CNGA3: variants seen among roughly 807,000 people sequenced by gnomAD.
CNGA3 encodes the protein cyclic nucleotide-gated channel alpha-3.
A neutral mutation model predicts 46.6 loss-of-function variants in CNGA3; 42 were observed. That is an observed-to-expected ratio of 0.90 (90% CI 0.70 to 1.17). The LOEUF (loss-of-function observed/expected upper bound fraction) is 1.17, where lower values mean the gene tolerates loss of function less well. Among genes scored for constraint, CNGA3 ranks in the 50% most tolerant of loss-of-function variants. The pLI, the probability that CNGA3 is intolerant of heterozygous loss-of-function variation, is 0.00. For synonymous variants in CNGA3, 394 were observed against 369.4 expected, an observed-to-expected ratio of 1.07 and a Z score of -0.76; for missense variants, 893 against 890.7, an observed-to-expected ratio of 1.00 and a Z score of -0.03.
At position 98,396,404 on chromosome 2, in the gene CNGA3, G is replaced by C; in HGVS notation, c.1234G>C (p.Glu412Gln). 1 of 1,613,968 alleles carries C rather than the reference G, an allele frequency of 6.2e-7. No homozygotes were observed. Among genetic ancestry groups the C allele is most frequent in the Non-Finnish European group, 8.5e-7 (1 of 1,180,020 alleles). Residue 412 changes from glutamate (E) to glutamine (Q), a missense_variant, in exon 8 of 8, where the codon GAG (glutamate) becomes CAG (glutamine). Glu to Gln is a conservative substitution (Grantham distance 29). Around this residue, in one of 3 missense-constraint regions of CNGA3, gnomAD observed 548 missense variants for 570.8 expected, o/e 0.96. Coordinates refer to ENST00000272602, the MANE Select transcript of CNGA3 (RefSeq NM_001298.3). ...MISNMNASRA[E>Q]FQAKIDSIKQ... The stretch of plus-strand genomic sequence containing the variant: ...CTCGAATATGAATGCCTCACGGGCA[G>C]AGTTCCAGGCCAAGATTGATTCCAT...
At chr2:98,378,358 C>T in intron 3 of CNGA3, 1 of 944,536 alleles carries the variant, frequency 1.1e-6, no homozygotes, top group Middle Eastern at 3.4e-4. Flanking sequence ...CAAATCTCAT[C>T]TAGAAATGCA....
At position 98,397,363 on chromosome 2, in the gene CNGA3, C is replaced by A; in HGVS notation, c.*108C>A. 8.7e-7 allele frequency: 1 copy of A among 1,154,096 alleles called. No individual in the cohort carries two copies. Among genetic ancestry groups the A allele is most frequent in the Non-Finnish European group, 1.3e-6 (1 of 785,652 alleles). 71.5% of individuals were successfully genotyped at this position (1,154,096 alleles called of 1,614,324 possible). On this transcript the variant is annotated 3_prime_UTR_variant, in exon 8 of 8. Coordinates refer to ENST00000272602, the MANE Select transcript of CNGA3 (RefSeq NM_001298.3). Reference sequence around the variant, plus strand: ...GTCAGGGTTGAATTCCAGCTCTACTCACCCTTTGAAAGCTGTGTGACTGCC... The same window carrying A: ...GTCAGGGTTGAATTCCAGCTCTACTAACCCTTTGAAAGCTGTGTGACTGCC...
intron 4 of CNGA3, among the ~76,000 whole-genome samples, chr2:98,382,335 T>A (rs1201462640): frequency 1.3e-5 from 2 of 152,104 alleles, no homozygotes; most frequent in Non-Finnish European, 1.5e-5. Flanking sequence ...AGCCACTGCA[T>A]CCCCCACGGA....
intron 6 of CNGA3, among the ~76,000 whole-genome samples, chr2:98,390,103 C>T (rs1692750579): frequency 6.6e-6 from 1 of 150,802 alleles, no homozygotes; most frequent in East Asian, 1.9e-4. Context: ...GAACATGCAG[C>T]AGGGTAGGGA....
At chr2:98,374,944 A>T (rs1480823388) in intron 2 of CNGA3, among the ~76,000 whole-genome samples, 1 of 152,120 alleles carries the variant, frequency 6.6e-6, no homozygotes. Flanking sequence ...CTTTTGCTTT[A>T]TTTGCTTTGT....
At chr2:98,395,715 T>G in intron 7 of CNGA3, 129 bp from the exon 8 acceptor site, 2 of 753,208 alleles carry the variant, frequency 2.7e-6, no homozygotes, top group Admixed American at 2.1e-5. Flanking sequence ...AGTGTTGTTT[T>G]TGAAATCATT....
At chr2:98,367,167 G>GTTTTTTTTT (rs1553447811) in intron 1 of CNGA3, among the ~76,000 whole-genome samples, 1 of 101,618 alleles carries the variant, frequency 9.8e-6, no homozygotes, top group Admixed American at 1.1e-4. Context: ...GACATCAGCT[G>GTTTTTTTTT]TTTTTTTTCT....
intron 1 of CNGA3, among the ~76,000 whole-genome samples, chr2:98,360,533 C>A (rs922541277): frequency 6.6e-6 from 1 of 152,228 alleles, no homozygotes; most frequent in Non-Finnish European, 1.5e-5. Flanking sequence ...GAGGACAGAG[C>A]TGCATATAGC....
chr2:98,348,304 G>A (rs1485312653), intron 1 of CNGA3, among the ~76,000 whole-genome samples: 1 of 152,226 alleles, frequency 6.6e-6, no homozygotes, highest in East Asian at 1.9e-4. Context: ...TGGGACTTTG[G>A]CCGTGACTAC....
At chr2:98,394,695 C>A (rs188068034) in intron 7 of CNGA3, among the ~76,000 whole-genome samples, 1 of 152,084 alleles carries the variant, frequency 6.6e-6, no homozygotes, top group Non-Finnish European at 1.5e-5. Context: ...CATAAGCAAA[C>A]CCCAGGCAGT....
chr2:98,355,396 A>G (rs530172324), intron 1 of CNGA3, among the ~76,000 whole-genome samples: 2 of 152,306 alleles, frequency 1.3e-5, no homozygotes, highest in African/African-American at 4.8e-5. Context: ...ACATTCACAC[A>G]TAAAATATAA....
chr2:98,364,471 A>G (rs983994519), intron 1 of CNGA3, among the ~76,000 whole-genome samples: 3 of 151,878 alleles, frequency 2.0e-5, no homozygotes, highest in Non-Finnish European at 2.9e-5. Context: ...TGCTTTGTAA[A>G]TTTTCCTCCA....
rs774668101 is a variant in CNGA3, at chr2:98,369,979, G to A, written c.4G>A (p.Ala2Thr). ...CTAAATGTGACAAACCGAGAAGATGGCCAAGATCAACACCCAATACTCCCA... is the reference window on the plus strand; with the variant it reads ...CTAAATGTGACAAACCGAGAAGATGACCAAGATCAACACCCAATACTCCCA... Reference protein sequence around the residue: MAKINTQYSHPS... With the variant: MTKINTQYSHPS... Residue 2 changes from alanine to threonine, a missense_variant, in exon 2 of 8, where the codon GCC becomes ACC. Around this residue, in one of 3 missense-constraint regions of CNGA3, gnomAD observed 333 missense variants for 290.8 expected, o/e 1.15. Transcript: ENST00000272602. The A allele has an allele frequency of 5.6e-6, 9 of 1,612,910 alleles. No individual in the cohort carries two copies. Among genetic ancestry groups the A allele is most frequent in the African/African-American group, 5.4e-5 (4 of 74,712 alleles).
intron 4 of CNGA3, among the ~76,000 whole-genome samples, chr2:98,382,620 G>A (rs1324845723): frequency 6.6e-6 from 1 of 152,232 alleles, no homozygotes; most frequent in Non-Finnish European, 1.5e-5. Flanking sequence ...GCCCTGCGAG[G>A]CCGCATGGCT....
At chr2:98,348,975 G>A (rs928050819) in intron 1 of CNGA3, among the ~76,000 whole-genome samples, 5 of 152,180 alleles carry the variant, frequency 3.3e-5, no homozygotes, top group African/African-American at 1.2e-4. Flanking sequence ...ACTGAAACTT[G>A]AAATCAACTG....
intron 2 of CNGA3, among the ~76,000 whole-genome samples, chr2:98,373,267 T>C (rs1692328780): frequency 6.6e-6 from 1 of 152,248 alleles, no homozygotes; most frequent in East Asian, 1.9e-4. Flanking sequence ...TTTTTAAGTT[T>C]CAAATCACTA....
At chr2:98,376,935 A>T (rs547715858) in intron 2 of CNGA3, among the ~76,000 whole-genome samples, 1 of 152,302 alleles carries the variant, frequency 6.6e-6, no homozygotes, top group South Asian at 2.1e-4. Flanking sequence ...TGGTGGTTGT[A>T]TGGAGTTACG....
At chr2:98,356,590 T>A (rs1691884493) in intron 1 of CNGA3, among the ~76,000 whole-genome samples, 1 of 152,210 alleles carries the variant, frequency 6.6e-6, no homozygotes, top group African/African-American at 2.4e-5. Flanking sequence ...CCAGTGGACT[T>A]ACAGTGCATC....
intron 1 of CNGA3, among the ~76,000 whole-genome samples, chr2:98,355,409 G>A (rs1157697385): frequency 6.6e-6 from 1 of 152,080 alleles, no homozygotes; most frequent in Non-Finnish European, 1.5e-5. Context: ...AAATATAAGA[G>A]GACCCTCAGG....
Sources: allele counts gnomAD v4.1 joint callset (sites outside exome capture counted in the v4.1 genomes callset), GRCh38; gene constraint gnomAD v4.1.1; regional missense constraint gnomAD v4.1.1; transcripts MANE v1.5; gene names NCBI Gene and HGNC (gene_info 2026-07-23, HGNC 2026-07-21).